SPATA13: variants seen among roughly 807,000 people sequenced by gnomAD.
The protein encoded by SPATA13 is spermatogenesis-associated protein 13.
In SPATA13, 50 loss-of-function variants were observed where a neutral mutation model predicts 104.0. The ratio of observed to expected loss-of-function variants is 0.48; its 90% CI spans 0.38 to 0.61. SPATA13 has a LOEUF of 0.61. SPATA13 is among the 20% of genes least tolerant of loss of function. SPATA13 has a pLI of 0.00. For synonymous variants in SPATA13, 606 were observed against 667.5 expected, an observed-to-expected ratio of 0.91 and a Z score of 1.42; for missense variants, 1,524 against 1,690.6, an observed-to-expected ratio of 0.90 and a Z score of 1.73.
At chr13:24,228,237 C>T (rs1872065307) in intron 2 of SPATA13, among the ~76,000 whole-genome samples, 1 of 151,724 alleles carries the variant, frequency 6.6e-6, no homozygotes, top group Admixed American at 6.6e-5. Flanking sequence ...CCTCAGCCTC[C>T]TGAGTAGCTG....
chr13:24,139,464 T>C (rs1238794426), intron 3 of SPATA13, among the ~76,000 whole-genome samples: 1 of 147,616 alleles, frequency 6.8e-6, no homozygotes, highest in East Asian at 1.9e-4. Flanking sequence ...TCCTCTGGGA[T>C]TGTATCACTG....
chr13:24,242,330 C>T (rs1228577455), intron 2 of SPATA13, among the ~76,000 whole-genome samples: 2 of 152,138 alleles, frequency 1.3e-5, no homozygotes, highest in African/African-American at 4.8e-5. Flanking sequence ...GGAGAAATAG[C>T]CCAGAGAAAT....
intron 4 of SPATA13, among the ~76,000 whole-genome samples, chr13:24,270,386 C>T (rs1162082801): frequency 6.6e-6 from 1 of 152,188 alleles, no homozygotes; most frequent in Non-Finnish European, 1.5e-5. Context: ...TGTCATACCA[C>T]AGTGTGAAAT....
At chr13:24,237,700 A>T (rs1199439977) in intron 2 of SPATA13, among the ~76,000 whole-genome samples, 1 of 152,044 alleles carries the variant, frequency 6.6e-6, no homozygotes, top group Non-Finnish European at 1.5e-5. Context: ...GCAGTGGCAC[A>T]TACCTGTAAT....
chr13:24,055,916 A>G (rs1031787581), intron 3 of SPATA13, among the ~76,000 whole-genome samples: 1 of 152,232 alleles, frequency 6.6e-6, no homozygotes, highest in African/African-American at 2.4e-5. Context: ...TGGCGTTGGC[A>G]ATGCCGTGCC....
At chr13:24,291,744 T>A (rs1256272116) in intron 9 of SPATA13, among the ~76,000 whole-genome samples, 3 of 100,172 alleles carry the variant, frequency 3.0e-5, no homozygotes, top group African/African-American at 1.2e-4. Flanking sequence ...GTCTTTATTT[T>A]TTTATTTTTT....
At position 24,284,188 on chromosome 13, in the gene SPATA13, G is replaced by C; in HGVS notation, c.2218G>C (p.Glu740Gln). The change falls in exon 5 of 13, where the codon GAG (glutamate) becomes CAG (glutamine). Residue 740 changes from glutamate to glutamine, a missense_variant. Glu to Gln is a conservative substitution (Grantham distance 29, BLOSUM62 2). Coordinates refer to ENST00000382108, the MANE Select transcript of SPATA13 (RefSeq NM_001166271.3). ...TGCCTTAGTGGATGACAACGGTAGT[G>C]AGGAGGACTTCAGCTATGAAGACCT... ...PSALVDDNGS[E>Q]EDFSYEDLCQ... The C allele has an allele frequency of 6.2e-7, 1 of 1,613,934 alleles. No individual in the cohort carries two copies. Among genetic ancestry groups the C allele is most frequent in the Non-Finnish European group, 8.5e-7 (1 of 1,179,972 alleles).
At chr13:23,980,871 C>G (rs758265782) in intron 1 of SPATA13, among the ~76,000 whole-genome samples, 2 of 152,180 alleles carry the variant, frequency 1.3e-5, no homozygotes, top group African/African-American at 2.4e-5. Context: ...GGATTAGAAG[C>G]TTGAGCCACT....
At position 24,223,751 on chromosome 13, in the gene SPATA13, T is replaced by C; in HGVS notation, c.822T>C (p.Leu274=). The part of the protein sequence containing the change: ...SSFKRKSTSN[L]ADLRTAHDAR... Reference sequence around the variant, plus strand: ...TTAAGCGGAAGTCCACCTCCAATCTTGCAGACCTCAGGACGGCCCATGACG... The same window carrying C: ...TTAAGCGGAAGTCCACCTCCAATCTCGCAGACCTCAGGACGGCCCATGACG... The change falls in exon 2 of 13, where the codon CTT becomes CTC. Residue 274 remains leucine (L), a synonymous_variant. Coordinates refer to ENST00000382108, the MANE Select transcript of SPATA13 (RefSeq NM_001166271.3). The C allele has an allele frequency of 6.4e-7, 1 of 1,551,926 alleles. No individual in the cohort carries two copies. Among genetic ancestry groups the C allele is most frequent in the Non-Finnish European group, 8.7e-7 (1 of 1,147,030 alleles).
At chr13:24,129,880 G>C (rs1881338502) in intron 3 of SPATA13, among the ~76,000 whole-genome samples, 1 of 152,196 alleles carries the variant, frequency 6.6e-6, no homozygotes, top group African/African-American at 2.4e-5. Context: ...GGACAAGGGT[G>C]GGGGATTAAT....
chr13:24,001,476 G>T (rs781604213), intron 2 of SPATA13, among the ~76,000 whole-genome samples: 1 of 152,026 alleles, frequency 6.6e-6, no homozygotes, highest in Non-Finnish European at 1.5e-5. Context: ...TGGAGATTGC[G>T]TTAAGGAGTG....
intron 4 of SPATA13, among the ~76,000 whole-genome samples, chr13:24,267,458 G>C (rs559168281): frequency 8.7e-4 from 132 of 152,246 alleles, no homozygotes; most frequent in Non-Finnish European, 1.5e-3. Flanking sequence ...CTAGTGCCCT[G>C]ACCCCGTCTC....
chr13:24,057,832 T>A (rs1878621128), intron 3 of SPATA13, among the ~76,000 whole-genome samples: 1 of 151,726 alleles, frequency 6.6e-6, no homozygotes, highest in Non-Finnish European at 1.5e-5. Context: ...GGAGGACTAG[T>A]GAGAGGAGGT....
chr13:24,223,244 C>T lies in SPATA13; in HGVS notation c.315C>T (p.Leu105=), dbSNP rs751685232. ...GGAACTCCTCCACATGGAACACCCT[C>T]GCCTCCTTCCGGAAAATGGGATCCT... ...LVGNSSTWNT[L]ASFRKMGSFK... is the part of the protein sequence containing the mutation. Residue 105 remains leucine, a synonymous_variant, in exon 2 of 13, where the codon CTC becomes CTT. Coordinates refer to ENST00000382108, the MANE Select transcript of SPATA13 (RefSeq NM_001166271.3). 9.7e-6 allele frequency: 15 copies of T among 1,551,690 alleles called. No homozygotes were observed. The highest frequency in any genetic ancestry group is 2.4e-5 in the South Asian group (2 of 84,062).
At position 24,224,314 on chromosome 13, in the gene SPATA13, C is replaced by T. The variant is rs1401980489; in HGVS notation, c.1385C>T (p.Thr462Ile). ...QLTFDPEQPP[T>I]PLRPTTPKPQ... ...ACATTTGACCCTGAGCAGCCTCCCA[C>T]CCCTCTAAGGCCCACCACACCCAAG... is the stretch of plus-strand genomic sequence containing the variant. Residue 462 changes from threonine (T) to isoleucine (I), a missense_variant, in exon 2 of 13, where the codon ACC becomes ATC. Coordinates refer to ENST00000382108, the MANE Select transcript of SPATA13 (RefSeq NM_001166271.3). 8 of 1,551,618 alleles carry T rather than the reference C, an allele frequency of 5.2e-6. No individual in the cohort carries two copies. In the African/African-American group the frequency reaches 5.5e-5, roughly 11 times the overall value.
At chr13:24,013,515 C>T (rs1022351326) in intron 2 of SPATA13, among the ~76,000 whole-genome samples, 1 of 152,200 alleles carries the variant, frequency 6.6e-6, no homozygotes, top group Non-Finnish European at 1.5e-5. Context: ...GACAAGAAAT[C>T]TACACACAAG....
chr13:24,235,639 C>T (rs2138634398), intron 2 of SPATA13, among the ~76,000 whole-genome samples: 1 of 152,160 alleles, frequency 6.6e-6, no homozygotes, highest in African/African-American at 2.4e-5. Context: ...AGCCTGTGGC[C>T]CCAGCTACTT....
At chr13:24,119,325 A>G (rs1880961074) in intron 3 of SPATA13, among the ~76,000 whole-genome samples, 1 of 152,202 alleles carries the variant, frequency 6.6e-6, no homozygotes, top group Non-Finnish European at 1.5e-5. Flanking sequence ...AGGGTACTTG[A>G]GCCATGTTCC....
intron 4 of SPATA13, among the ~76,000 whole-genome samples, chr13:24,271,573 A>G (rs921020156): frequency 6.6e-6 from 1 of 152,232 alleles, no homozygotes; most frequent in Non-Finnish European, 1.5e-5. Flanking sequence ...TAAATGTGAA[A>G]GAAACTTTGT....
Sources: gnomAD v4.1 joint callset for allele counts (sites outside exome capture counted in the v4.1 genomes callset) on GRCh38, gnomAD v4.1.1 for gene constraint, MANE v1.5 for transcripts, NCBI Gene and HGNC (gene_info 2026-07-23, HGNC 2026-07-21) for gene names.